The following ADAM12 variants were observed in gnomAD, a reference collection of about 807,000 sequenced individuals.
ADAM12 encodes ADAM metallopeptidase domain 12, also known as disintegrin and metalloproteinase domain-containing protein 12.
ADAM12 carries 70 observed loss-of-function variants against 106.4 expected under a neutral mutation model. The ratio of observed to expected loss-of-function variants is 0.66; its 90% CI spans 0.54 to 0.80. ADAM12 has a LOEUF of 0.80. ADAM12 is among the 30% of genes least tolerant of loss of function. The pLI is 0.00. For synonymous variants in ADAM12, 420 were observed against 433.5 expected (o/e 0.97, Z 0.39); for missense variants, 1,010 against 1,171.9 (o/e 0.86, Z 2.02).
chr10:126,127,925 G>A (rs532035803), intron 5 of ADAM12, among the ~76,000 whole-genome samples: 2 of 152,292 alleles, frequency 1.3e-5, no homozygotes, highest in South Asian at 4.1e-4. Context: ...GTGGCGGCAT[G>A]CTCTGGAAAC....
chr10:126,084,775 C>T (rs1269794388), intron 11 of ADAM12, among the ~76,000 whole-genome samples: 3 of 152,132 alleles, frequency 2.0e-5, no homozygotes, highest in African/African-American at 7.2e-5. Flanking sequence ...TCCCCATCCC[C>T]AAGCCTGCGA....
intron 3 of ADAM12, among the ~76,000 whole-genome samples, chr10:126,169,124 T>C (rs1445571113): frequency 6.6e-6 from 1 of 152,158 alleles, no homozygotes; most frequent in African/African-American, 2.4e-5. Flanking sequence ...CCTGCTCAAT[T>C]CATCCCACTT....
At chr10:126,076,971 T>C (rs949656516) in intron 11 of ADAM12, among the ~76,000 whole-genome samples, 8 of 152,202 alleles carry the variant, frequency 5.3e-5, no homozygotes, top group Non-Finnish European at 8.8e-5. Flanking sequence ...CTTTCTCTCT[T>C]TGCTGACAAT....
At chr10:126,245,700 G>A (rs1050345791) in intron 3 of ADAM12, among the ~76,000 whole-genome samples, 4 of 152,224 alleles carry the variant, frequency 2.6e-5, no homozygotes, top group African/African-American at 9.6e-5. Flanking sequence ...CCAGGAAAAA[G>A]TTATCATGGG....
chr10:126,169,196 A>G (rs535662927), intron 3 of ADAM12, among the ~76,000 whole-genome samples: 1 of 152,292 alleles, frequency 6.6e-6, no homozygotes, highest in Non-Finnish European at 1.5e-5. Context: ...GGTCTGGAAC[A>G]TTCTTCCCAC....
chr10:126,223,079 A>G (rs1287744134), intron 3 of ADAM12, among the ~76,000 whole-genome samples: 4 of 152,236 alleles, frequency 2.6e-5, no homozygotes, highest in Admixed American at 1.3e-4. Flanking sequence ...AACATGAAAA[A>G]TAGTCTTCAT....
chr10:126,377,407 C>A (rs1232585777), intron 1 of ADAM12, among the ~76,000 whole-genome samples: 1 of 152,210 alleles, frequency 6.6e-6, no homozygotes, highest in Non-Finnish European at 1.5e-5. Flanking sequence ...GGGAAAGAAG[C>A]ATCCAGCACA....
At chr10:126,301,159 A>G (rs1045025961) in intron 2 of ADAM12, among the ~76,000 whole-genome samples, 10 of 152,182 alleles carry the variant, frequency 6.6e-5, no homozygotes, top group Middle Eastern at 3.2e-3. Flanking sequence ...CCCTCTCCCC[A>G]GCACAGAATA....
chr10:126,381,499 T>G (rs72830725), intron 1 of ADAM12, among the ~76,000 whole-genome samples: 1 of 151,344 alleles, frequency 6.6e-6, no homozygotes, highest in Non-Finnish European at 1.5e-5. Flanking sequence ...TTATATTTTT[T>G]AAAAAAAAAC....
intron 20 of ADAM12, among the ~76,000 whole-genome samples, chr10:126,037,420 G>A (rs1954080441): frequency 6.6e-6 from 1 of 152,028 alleles, no homozygotes; most frequent in South Asian, 2.1e-4. Context: ...TATTGGGAAT[G>A]GCAGCCTCCT....
In ADAM12 at chr10:126,284,276, T is replaced by C. The variant is rs139286458; in HGVS notation, c.187-5288A>G. ...TGAACCCGGGAGGCAGAGGTTGCAGTGAGCTGAGATCACGTCACTGCACTC... is the reference window on the plus strand; with the variant it reads ...TGAACCCGGGAGGCAGAGGTTGCAGCGAGCTGAGATCACGTCACTGCACTC... On this transcript the variant is annotated intron_variant, in intron 2 of 22. Transcript: ENST00000448723. 7.1e-3 allele frequency among the ~76,000 whole-genome samples: 949 copies of C among 133,480 alleles called. 14 individuals are homozygous for C. Among genetic ancestry groups the C allele is most frequent in the African/African-American group, 0.026 (888 of 34,568 alleles). The allele number at this position is 133,480 out of a possible 152,430, so 87.6% of individuals were successfully genotyped here. A position where few individuals can be genotyped will look rare whatever the true frequency, so the allele number is the denominator to read the frequency against.
intron 11 of ADAM12, among the ~76,000 whole-genome samples, chr10:126,084,560 T>C (rs1312043824): frequency 6.6e-6 from 1 of 152,246 alleles, no homozygotes; most frequent in Non-Finnish European, 1.5e-5. Context: ...GCTAGTTCTT[T>C]CTGCTGACTT....
In ADAM12 at chr10:126,039,161, G is replaced by A. The variant is rs574783852; in HGVS notation, c.2240+133C>T. The A allele has an allele frequency of 2.5e-4, 260 of 1,040,436 alleles. 1 individual carries two copies. In the African/African-American group the frequency reaches 3.6e-3, roughly 15 times the overall value. The allele number at this position is 1,040,436 out of a possible 1,614,324, so 64.5% of individuals were successfully genotyped here. On this transcript the variant is annotated intron_variant, in intron 19 of 22. Transcript: ENST00000448723. ...TTTTTAGTAGAGACGGGGTTTCACC[G>A]TGGTCTCGATCTCCTGACCTCGTGA... is the stretch of plus-strand genomic sequence containing the variant.
At chr10:126,148,695 C>A (rs952980974) in intron 4 of ADAM12, among the ~76,000 whole-genome samples, 7 of 152,270 alleles carry the variant, frequency 4.6e-5, no homozygotes, top group Middle Eastern at 3.4e-3. Flanking sequence ...TGGAGATGAT[C>A]CACAGAGTCA....
chr10:126,203,222 G>A (rs1199958677), intron 3 of ADAM12, among the ~76,000 whole-genome samples: 1 of 152,140 alleles, frequency 6.6e-6, no homozygotes, highest in Non-Finnish European at 1.5e-5. Context: ...TTAATCTATA[G>A]GGATTGTAGT....
intron 4 of ADAM12, among the ~76,000 whole-genome samples, chr10:126,143,112 G>C (rs1169096295): frequency 2.0e-5 from 3 of 151,438 alleles, no homozygotes; most frequent in Admixed American, 6.6e-5. Context: ...TGGTGTGCAT[G>C]TGTGCATATG....
intron 3 of ADAM12, among the ~76,000 whole-genome samples, chr10:126,252,009 A>ATGG (rs1353744767): frequency 0.022 from 79 of 3,634 alleles, no homozygotes; most frequent in Admixed American, 0.046. Context: ...GGGATGGATA[A>ATGG]ATGGATGGAT....
intron 3 of ADAM12, among the ~76,000 whole-genome samples, chr10:126,163,063 G>A (rs1956964771): frequency 6.6e-6 from 1 of 152,130 alleles, no homozygotes. Flanking sequence ...CGAGGTACAT[G>A]TTTCCACTGC....
At chr10:126,106,579 G>A (rs940940496) in intron 8 of ADAM12, among the ~76,000 whole-genome samples, 1 of 149,748 alleles carries the variant, frequency 6.7e-6, no homozygotes, top group Non-Finnish European at 1.5e-5. Flanking sequence ...TCTGCTTCCC[G>A]GGTTCAAGCA....
Sources: allele counts gnomAD v4.1 joint callset (sites outside exome capture counted in the v4.1 genomes callset), GRCh38; gene constraint gnomAD v4.1.1; transcripts MANE v1.5; gene names NCBI Gene and HGNC (gene_info 2026-07-23, HGNC 2026-07-21).